The following DLG2 variants were observed in gnomAD, a reference collection of about 807,000 sequenced individuals.
The protein encoded by DLG2 is disks large homolog 2.
Under a neutral mutation model 132.5 loss-of-function variants are expected in DLG2, and 45 were observed. That is an observed-to-expected ratio of 0.34 (90% confidence interval 0.27 to 0.44). DLG2 has a LOEUF of 0.44. DLG2 is among the 20% of genes least tolerant of loss of function. The pLI is 1.00. For missense variants in DLG2, 1,045 were observed against 1,196.9 expected, an observed-to-expected ratio of 0.87 and a Z score of 1.87; for synonymous variants, 424 against 419.6, an observed-to-expected ratio of 1.01 and a Z score of -0.13.
chr11:83,838,618 A>G (rs2056825662), intron 16 of DLG2, among the ~76,000 whole-genome samples: 1 of 152,216 alleles, frequency 6.6e-6, no homozygotes, highest in Non-Finnish European at 1.5e-5. Context: ...GAAAATTTGC[A>G]TGAAATATGG....
intron 6 of DLG2, among the ~76,000 whole-genome samples, chr11:84,795,371 C>A (rs1428420885): frequency 6.6e-6 from 1 of 152,106 alleles, no homozygotes; most frequent in Non-Finnish European, 1.5e-5. Flanking sequence ...TGGGTCCAAT[C>A]TCTGCTGAAA....
At chr11:84,003,598 T>G (rs1343491528) in intron 11 of DLG2, among the ~76,000 whole-genome samples, 1 of 152,058 alleles carries the variant, frequency 6.6e-6, no homozygotes, top group East Asian at 1.9e-4. Flanking sequence ...GAGCCTCTTA[T>G]AAAACCATCA....
chr11:84,394,665 GT>G (rs1567516455), intron 7 of DLG2, among the ~76,000 whole-genome samples: 1 of 149,270 alleles, frequency 6.7e-6, no homozygotes, highest in Non-Finnish European at 1.5e-5. Context: ...GTCTTGCTCT[GT>G]CACCCAGGCT....
At chr11:84,171,386 C>T (rs185843499) in intron 8 of DLG2, among the ~76,000 whole-genome samples, 211 of 152,254 alleles carry the variant, frequency 1.4e-3, no homozygotes, top group African/African-American at 4.8e-3. Context: ...TCTTATCCCT[C>T]ATTCCATTCC....
intron 6 of DLG2, among the ~76,000 whole-genome samples, chr11:84,798,464 G>A (rs1218364473): frequency 6.6e-6 from 1 of 152,056 alleles, no homozygotes; most frequent in African/African-American, 2.4e-5. Context: ...ACCACCACTG[G>A]CCCATGGGGC....
At chr11:83,794,436 GGTTTT>G (rs1218367743) in intron 17 of DLG2, among the ~76,000 whole-genome samples, 11 of 90,020 alleles carry the variant, frequency 1.2e-4, no homozygotes, top group Admixed American at 8.7e-4. Flanking sequence ...ATTTACTATT[GGTTTT>G]TTTTTTTTTT....
At chr11:84,477,018 G>A (rs1387052748) in intron 7 of DLG2, among the ~76,000 whole-genome samples, 1 of 152,054 alleles carries the variant, frequency 6.6e-6, no homozygotes, top group East Asian at 1.9e-4. Context: ...GTAATCTTTA[G>A]ACAGACCGCA....
At chr11:84,876,826 A>G (rs568670945) in intron 6 of DLG2, among the ~76,000 whole-genome samples, 2 of 152,200 alleles carry the variant, frequency 1.3e-5, no homozygotes, top group Non-Finnish European at 1.5e-5. Flanking sequence ...ATTTAGTGCT[A>G]TCAATTTCCC....
chr11:85,456,115 T>C (rs1565515148), intron 3 of DLG2, among the ~76,000 whole-genome samples: 1 of 152,190 alleles, frequency 6.6e-6, no homozygotes, highest in Non-Finnish European at 1.5e-5. Flanking sequence ...TGGGCTTTTT[T>C]TGGTAGGTAG....
At chr11:85,249,918 G>T (rs139391892) in intron 4 of DLG2, among the ~76,000 whole-genome samples, 9 of 152,158 alleles carry the variant, frequency 5.9e-5, no homozygotes, top group African/African-American at 2.2e-4. Context: ...AATTTATGTC[G>T]ACATTTGTTT....
chr11:85,085,464 T>C (rs77283763), intron 6 of DLG2, among the ~76,000 whole-genome samples: 1 of 152,244 alleles, frequency 6.6e-6, no homozygotes, highest in East Asian at 1.9e-4. Context: ...TATCTTTGTG[T>C]GTTTGTATTT....
chr11:83,754,320 C>T (rs2093560010), intron 18 of DLG2, among the ~76,000 whole-genome samples: 1 of 150,990 alleles, frequency 6.6e-6, no homozygotes, highest in Admixed American at 6.6e-5. Context: ...ATAGTAGTGG[C>T]AGTGGAGCAC....
At chr11:85,508,522 G>A (rs1423796668) in intron 3 of DLG2, among the ~76,000 whole-genome samples, 4 of 151,924 alleles carry the variant, frequency 2.6e-5, no homozygotes, top group Non-Finnish European at 5.9e-5. Context: ...CTTACCAGCT[G>A]ACCTATTAAA....
intron 6 of DLG2, among the ~76,000 whole-genome samples, chr11:84,728,820 A>C (rs1204617943): frequency 6.6e-6 from 1 of 152,146 alleles, no homozygotes; most frequent in Non-Finnish European, 1.5e-5. Context: ...TAGACATGTG[A>C]GGGTGCATGT....
rs182314740 is a variant in DLG2 at position 84,392,348 on chromosome 11, C to T, written c.520-141057G>A. Reference sequence around the variant, plus strand: ...TAAACTGATGATTGCAAACATTCTCCATCCCTCTCTTTGATTCATACTCTA... The same window carrying T: ...TAAACTGATGATTGCAAACATTCTCTATCCCTCTCTTTGATTCATACTCTA... On this transcript the variant is annotated intron_variant, in intron 7 of 27. Transcript: ENST00000376104. Among the ~76,000 whole-genome samples, 63 of 152,314 alleles carry T rather than the reference C, an allele frequency of 4.1e-4. 1 individual carries two copies. The East Asian group carries it at 0.011, about 26-fold the overall frequency.
intron 7 of DLG2, among the ~76,000 whole-genome samples, chr11:84,471,591 G>A (rs537760665): frequency 2.0e-5 from 3 of 151,780 alleles, no homozygotes; most frequent in South Asian, 2.1e-4. Context: ...AGGGGATTCC[G>A]TAGCAGCAAT....
chr11:83,786,643 C>T, intron 18 of DLG2, 47 bp downstream of exon 18: 1 of 1,503,420 alleles, frequency 6.7e-7, no homozygotes. Flanking sequence ...GGGTACAGAT[C>T]CACACAGAGA....
chr11:85,235,989 C>G (rs919861464), intron 4 of DLG2, among the ~76,000 whole-genome samples: 1 of 151,552 alleles, frequency 6.6e-6, no homozygotes, highest in African/African-American at 2.4e-5. Context: ...GCGCATATAT[C>G]GATTACTTGT....
intron 7 of DLG2, among the ~76,000 whole-genome samples, chr11:84,453,946 GTTTTCTTTGGTA>G (rs2099058481): frequency 6.6e-6 from 1 of 151,532 alleles, no homozygotes; most frequent in African/African-American, 2.4e-5. Context: ...TTCCTTTGTT[GTTTTCTTTGGTA>G]TTTGGTGCAG....
Sources: gnomAD v4.1 joint callset for allele counts (sites outside exome capture counted in the v4.1 genomes callset) on GRCh38, gnomAD v4.1.1 for gene constraint, MANE v1.5 for transcripts, NCBI Gene and HGNC (gene_info 2026-07-23, HGNC 2026-07-21) for gene names.